The following CENPP variants were observed in gnomAD, a reference collection of about 807,000 sequenced individuals.
CENPP encodes centromere protein P.
A neutral mutation model predicts 35.6 loss-of-function variants in CENPP; 24 were observed. That is an observed-to-expected ratio of 0.67 (90% CI 0.49 to 0.95). The LOEUF is 0.95. Ranked by LOEUF, CENPP falls within the 40% of genes least tolerant of loss-of-function variation. CENPP has a pLI of 0.00. For missense variants in CENPP, 332 were observed against 345.3 expected (o/e 0.96, Z 0.31); for synonymous variants, 120 against 125.5 (o/e 0.96, Z 0.29).
chr9:92,389,651 G>A, intron 5 of CENPP: 1 of 433,524 alleles, frequency 2.3e-6, no homozygotes, highest in Admixed American at 4.0e-5. Flanking sequence ...TAAAATAAAG[G>A]TTATGTATTT....
At chr9:92,412,118 C>T (rs867778354) in intron 5 of CENPP, among the ~76,000 whole-genome samples, 2 of 152,084 alleles carry the variant, frequency 1.3e-5, no homozygotes, top group African/African-American at 4.8e-5. Context: ...GACGGGGTCT[C>T]ACTCTATTGC....
intron 5 of CENPP, among the ~76,000 whole-genome samples, chr9:92,400,473 A>T (rs1467212901): frequency 6.6e-6 from 1 of 152,142 alleles, no homozygotes; most frequent in South Asian, 2.1e-4. Flanking sequence ...ATTTATTCAA[A>T]TCTATTTTTA....
chr9:92,560,541 C>A (rs1849824685), intron 5 of CENPP, among the ~76,000 whole-genome samples: 1 of 152,178 alleles, frequency 6.6e-6, no homozygotes, highest in Admixed American at 6.5e-5. Flanking sequence ...CACAGTGGAG[C>A]CTGTCTGACA....
At chr9:92,587,837 A>T (rs1294236117) in intron 5 of CENPP, among the ~76,000 whole-genome samples, 1 of 152,032 alleles carries the variant, frequency 6.6e-6, no homozygotes, top group African/African-American at 2.4e-5. Context: ...TAAAATGGTT[A>T]CTTTTGAGCC....
At chr9:92,376,674 T>C (rs1055959107) in intron 4 of CENPP, among the ~76,000 whole-genome samples, 2 of 152,164 alleles carry the variant, frequency 1.3e-5, no homozygotes, top group African/African-American at 2.4e-5. Flanking sequence ...AATCTTTTAT[T>C]ATGCAGATGG....
At chr9:92,546,470 G>C (rs891090226) in intron 5 of CENPP, among the ~76,000 whole-genome samples, 1 of 152,140 alleles carries the variant, frequency 6.6e-6, no homozygotes, top group African/African-American at 2.4e-5. Context: ...CCTGAAGCCA[G>C]CGAGTCCACG....
chr9:92,521,590 T>C (rs1240904978), intron 5 of CENPP, among the ~76,000 whole-genome samples: 1 of 152,206 alleles, frequency 6.6e-6, no homozygotes, highest in Non-Finnish European at 1.5e-5. Context: ...TTTGAAAGTT[T>C]TATTTAGTGG....
intron 5 of CENPP, among the ~76,000 whole-genome samples, chr9:92,405,051 T>C (rs1364959940): frequency 6.6e-6 from 1 of 152,164 alleles, no homozygotes; most frequent in Non-Finnish European, 1.5e-5. Context: ...GCACAAATTA[T>C]TTGATAGTTT....
intron 5 of CENPP, among the ~76,000 whole-genome samples, chr9:92,529,271 TACC>T (rs1373141513): frequency 2.6e-5 from 4 of 152,212 alleles, no homozygotes; most frequent in Admixed American, 6.5e-5. Context: ...TCTACATACC[TACC>T]AAATGTCTAA....
chr9:92,515,992 C>A (rs1847680227), intron 5 of CENPP, among the ~76,000 whole-genome samples: 1 of 151,596 alleles, frequency 6.6e-6, no homozygotes, highest in African/African-American at 2.4e-5. Flanking sequence ...GTGGGGAAGA[C>A]ATGACAAAGA....
intron 4 of CENPP, among the ~76,000 whole-genome samples, chr9:92,370,628 G>C (rs1202852898): frequency 6.6e-6 from 1 of 151,978 alleles, no homozygotes; most frequent in East Asian, 1.9e-4. Flanking sequence ...ACACAGTGGC[G>C]CATCACCATT....
intron 5 of CENPP, among the ~76,000 whole-genome samples, chr9:92,550,490 A>T (rs1215815307): frequency 6.6e-6 from 1 of 152,064 alleles, no homozygotes; most frequent in Non-Finnish European, 1.5e-5. Flanking sequence ...TTTGTTTTTG[A>T]GAATTAAAAT....
chr9:92,523,235 A>G (rs1459597753), intron 5 of CENPP, among the ~76,000 whole-genome samples: 1 of 152,170 alleles, frequency 6.6e-6, no homozygotes, highest in African/African-American at 2.4e-5. Context: ...ATGAGTCACC[A>G]TGCCTGTTCA....
chr9:92,600,036 G>A (rs542018201), intron 5 of CENPP, among the ~76,000 whole-genome samples: 1 of 152,352 alleles, frequency 6.6e-6, no homozygotes. Flanking sequence ...CATGTAGTCT[G>A]CTCAGTCACT....
chr9:92,459,821 T>C, intron 5 of CENPP: 2 of 1,570,530 alleles, frequency 1.3e-6, no homozygotes, highest in South Asian at 2.3e-5. Context: ...TTAGGTGTGA[T>C]AGAGTTAGCT....
chr9:92,454,443 G>T (rs950118584), intron 5 of CENPP, among the ~76,000 whole-genome samples: 1 of 152,128 alleles, frequency 6.6e-6, no homozygotes. Flanking sequence ...ATTTCAAGAT[G>T]TTGGGTTTTT....
chr9:92,427,033 A>G (rs1335229170), intron 5 of CENPP, among the ~76,000 whole-genome samples: 2 of 152,220 alleles, frequency 1.3e-5, no homozygotes, highest in Non-Finnish European at 2.9e-5. Context: ...CAAGGAAAGT[A>G]GGAGATGGGC....
chr9:92,477,992 A>G (rs573981048), intron 5 of CENPP, among the ~76,000 whole-genome samples: 82 of 152,328 alleles, frequency 5.4e-4, no homozygotes, highest in African/African-American at 1.9e-3. Flanking sequence ...CCCTCAGTTT[A>G]CTGTTTGAGA....
At chr9:92,596,030 G>A (rs1850771967) in intron 5 of CENPP, among the ~76,000 whole-genome samples, 1 of 152,078 alleles carries the variant, frequency 6.6e-6, no homozygotes, top group African/African-American at 2.4e-5. Context: ...TAAACACATT[G>A]TTAAACATGA....
Sources: gnomAD v4.1 joint callset for allele counts (sites outside exome capture counted in the v4.1 genomes callset) on GRCh38, gnomAD v4.1.1 for gene constraint, MANE v1.5 for transcripts, NCBI Gene and HGNC (gene_info 2026-07-23, HGNC 2026-07-21) for gene names.